Variants in TRPC7 observed in about 807,000 individuals in gnomAD.
TRPC7 encodes short transient receptor potential channel 7.
Under a neutral mutation model 90.1 loss-of-function variants are expected in TRPC7, and 42 were observed. The observed-to-expected ratio is 0.47, with a 90% CI of 0.36 to 0.60. TRPC7 has a LOEUF of 0.60. TRPC7 is among the 20% of genes least tolerant of loss of function. TRPC7 has a pLI of 0.00. For missense variants in TRPC7, 955 were observed against 1,112.3 expected (o/e 0.86, Z 2.01); for synonymous variants, 451 against 436.3 (o/e 1.03, Z -0.42).
At chr5:136,313,256 T>A (rs1758894368) in intron 3 of TRPC7, among the ~76,000 whole-genome samples, 1 of 152,344 alleles carries the variant, frequency 6.6e-6, no homozygotes, top group East Asian at 1.9e-4. Context: ...CCCATGGAAC[T>A]GCTAAGACCA....
chr5:136,365,477 T>G lies in TRPC7; in HGVS notation c.-223A>C. ...ACTCGCCTTCCGAGGCAGAACCGTGTTACCGTCCTTTTCCTAATCGGGGGG... is the reference window on the plus strand; with the variant it reads ...ACTCGCCTTCCGAGGCAGAACCGTGGTACCGTCCTTTTCCTAATCGGGGGG... On this transcript the variant is annotated 5_prime_UTR_variant, in exon 1 of 12. An upstream open reading frame in the 5' UTR loses its in-frame stop. Transcript: ENST00000513104. 5 of 578,624 alleles carry G rather than the reference T, an allele frequency of 8.6e-6. No individual in the cohort carries two copies. The highest frequency in any genetic ancestry group is 2.3e-5 in the South Asian group (1 of 43,284). The allele number at this position is 578,624 out of a possible 1,614,324, so 35.8% of individuals were successfully genotyped here. A position where few individuals can be genotyped will look rare whatever the true frequency, so the allele number is the denominator to read the frequency against.
chr5:136,303,380 C>T (rs1031163885), intron 3 of TRPC7, among the ~76,000 whole-genome samples: 1 of 152,120 alleles, frequency 6.6e-6, no homozygotes, highest in African/African-American at 2.4e-5. Context: ...CCTCAAACCC[C>T]ACAACAGGAC....
rs749069638 is a variant in TRPC7, at chr5:136,357,333, C to G, written c.55G>C (p.Glu19Gln). ...NMQRRHTTLR[E>Q]KGRRQAIRGP... ...CGGATGGCCTGGCGACGGCCCTTCTCCCTCAGCGTTGTGTGCCGGCGCTGC... is the reference window on the plus strand; with the variant it reads ...CGGATGGCCTGGCGACGGCCCTTCTGCCTCAGCGTTGTGTGCCGGCGCTGC... The change falls in exon 2 of 12, where the codon GAG becomes CAG. Residue 19 changes from glutamate (E) to glutamine (Q), a missense_variant. Glu to Gln is a conservative substitution (Grantham distance 29). Around this residue, in one of 4 missense-constraint regions of TRPC7, gnomAD observed 161 missense variants for 145.7 expected, o/e 1.10. Transcript: ENST00000513104. 6.2e-7 allele frequency: 1 copy of G among 1,605,770 alleles called. No homozygotes were observed. Among genetic ancestry groups the G allele is most frequent in the South Asian group, 1.1e-5 (1 of 91,062 alleles).
At chr5:136,358,185 C>A (rs1054640843) in intron 1 of TRPC7, among the ~76,000 whole-genome samples, 1 of 152,156 alleles carries the variant, frequency 6.6e-6, no homozygotes, top group Admixed American at 6.5e-5. Flanking sequence ...ACTGAAGCAA[C>A]CCTTCTGAGA....
chr5:136,235,771 A>C (rs759951959), intron 7 of TRPC7, among the ~76,000 whole-genome samples: 3 of 152,220 alleles, frequency 2.0e-5, no homozygotes, highest in Non-Finnish European at 4.4e-5. Flanking sequence ...CTTTACTGAT[A>C]GGAATGGCAA....
At chr5:136,274,913 C>A (rs1351478048) in intron 3 of TRPC7, 76 bp from the exon 4 acceptor site, 7 of 1,464,034 alleles carry the variant, frequency 4.8e-6, no homozygotes, top group South Asian at 1.4e-5. Flanking sequence ...CAGTATACAA[C>A]CTAGGAGTAG....
At chr5:136,315,400 G>C (rs1176078244) in intron 3 of TRPC7, among the ~76,000 whole-genome samples, 197 bp downstream of exon 3, 1 of 152,136 alleles carries the variant, frequency 6.6e-6, no homozygotes, top group Non-Finnish European at 1.5e-5. Context: ...GGTGGGCTGG[G>C]GGCTGAGGTG....
At chr5:136,218,721 G>A (rs1244154590) in intron 10 of TRPC7, among the ~76,000 whole-genome samples, 1 of 152,228 alleles carries the variant, frequency 6.6e-6, no homozygotes. Flanking sequence ...CCTGCTCACA[G>A]TCTCCTTCAA....
intron 2 of TRPC7, 27 bp from the exon 3 acceptor site, chr5:136,315,806 T>A (rs778865480): frequency 6.2e-7 from 1 of 1,604,702 alleles, no homozygotes; most frequent in East Asian, 2.2e-5. Context: ...AAATCAGCGG[T>A]ATGTCACATG....
chr5:136,362,947 A>G (rs950803073), intron 1 of TRPC7, among the ~76,000 whole-genome samples: 1 of 152,158 alleles, frequency 6.6e-6, no homozygotes, highest in African/African-American at 2.4e-5. Context: ...ATCTGGGTTG[A>G]TCATTTAAGA....
rs1405452944 is a variant in TRPC7 at position 136,213,566 on chromosome 5, G to A, written c.2458C>T (p.Arg820Cys). The change falls in exon 12 of 12, where the codon CGC becomes TGC. Residue 820 changes from arginine (R) to cysteine (C), a missense_variant. Around this residue, in one of 4 missense-constraint regions of TRPC7, gnomAD observed 296 missense variants for 422.7 expected, o/e 0.70. Transcript: ENST00000513104. Reference sequence around the variant, plus strand: ...GATTTTTCCTCAAGAAGCTCATAGCGCAGGCTGGAGATATCTTGCTTGATT... The same window carrying A: ...GATTTTTCCTCAAGAAGCTCATAGCACAGGCTGGAGATATCTTGCTTGATT... Reference protein sequence around the residue: ...KEIKQDISSLRYELLEEKSQA... With the variant: ...KEIKQDISSLCYELLEEKSQA... 1.9e-6 allele frequency: 3 copies of A among 1,614,030 alleles called. No homozygotes were observed. Among genetic ancestry groups the A allele is most frequent in the Admixed American group, 1.7e-5 (1 of 60,024 alleles).
At chr5:136,273,035 C>A (rs1757255448) in intron 4 of TRPC7, among the ~76,000 whole-genome samples, 1 of 152,198 alleles carries the variant, frequency 6.6e-6, no homozygotes, top group African/African-American at 2.4e-5. Context: ...CCAGTTTGCT[C>A]CTGTTGGCAA....
chr5:136,231,610 A>T (rs1285598593), intron 7 of TRPC7, 61 bp from the exon 8 acceptor site: 2 of 1,441,086 alleles, frequency 1.4e-6, no homozygotes, highest in Non-Finnish European at 1.9e-6. Flanking sequence ...TTATTTATTC[A>T]TTCATTTATC....
rs75142171 is a variant in TRPC7, at chr5:136,241,409, G to A, written c.1844+6062C>T. ...GTCTGAAAGGCCAAGTTCACCCAAA[G>A]GGGAGACAGGGGCCCACCATGGGTT... On this transcript the variant is annotated intron_variant, in intron 7 of 11. Transcript: ENST00000513104. Among the ~76,000 whole-genome samples, 1,468 of 152,344 alleles carry A rather than the reference G, an allele frequency of 9.6e-3. 19 individuals carry two copies. The highest frequency in any genetic ancestry group is 0.027 in the African/African-American group (1,123 of 41,582).
At chr5:136,246,168 T>A (rs1163776705) in intron 7 of TRPC7, among the ~76,000 whole-genome samples, 1 of 152,198 alleles carries the variant, frequency 6.6e-6, no homozygotes, top group African/African-American at 2.4e-5. Context: ...TGGACCCCAA[T>A]TTCAGTGTCT....
At chr5:136,299,300 C>CA (rs202095828) in intron 3 of TRPC7, among the ~76,000 whole-genome samples, 3,333 of 104,980 alleles carry the variant, frequency 0.032, 80 homozygotes, top group Middle Eastern at 0.066. Context: ...AATTCTGTCT[C>CA]AAAAAAAAAA....
intron 1 of TRPC7, among the ~76,000 whole-genome samples, chr5:136,358,758 C>T (rs1580995516): frequency 1.3e-5 from 2 of 152,350 alleles, no homozygotes; most frequent in Admixed American, 1.3e-4. Flanking sequence ...TCCTAAGCCT[C>T]TACCAACTTG....
At chr5:136,262,420 A>G (rs1011090320) in intron 5 of TRPC7, among the ~76,000 whole-genome samples, 2 of 152,140 alleles carry the variant, frequency 1.3e-5, no homozygotes, top group African/African-American at 4.8e-5. Flanking sequence ...TCACCTTATC[A>G]GAGTAGAGGG....
At chr5:136,238,167 C>G (rs529785020) in intron 7 of TRPC7, among the ~76,000 whole-genome samples, 4 of 152,226 alleles carry the variant, frequency 2.6e-5, no homozygotes, top group Non-Finnish European at 5.9e-5. Flanking sequence ...CCTTCTTTGA[C>G]GACCTGTCTG....
Sources: gnomAD v4.1 joint callset for allele counts (sites outside exome capture counted in the v4.1 genomes callset) on GRCh38, gnomAD v4.1.1 for gene constraint, gnomAD v4.1.1 regional missense constraint, MANE v1.5 for transcripts, NCBI Gene and HGNC (gene_info 2026-07-23, HGNC 2026-07-21) for gene names.